The following ARMC3 variants were observed in gnomAD, a reference collection of about 807,000 sequenced individuals.
The protein encoded by ARMC3 is armadillo repeat-containing protein 3.
In ARMC3, 74 loss-of-function variants were observed where a neutral mutation model predicts 90.3. The observed-to-expected ratio is 0.82, with a 90% CI of 0.68 to 0.99. The LOEUF is 0.99. Ranked by LOEUF, ARMC3 falls within the 50% of genes least tolerant of loss-of-function variation. ARMC3 has a pLI of 0.00. For synonymous variants in ARMC3, 334 were observed against 361.8 expected (o/e 0.92, Z 0.87); for missense variants, 958 against 1,042.8 (o/e 0.92, Z 1.12).
intron 10 of ARMC3, among the ~76,000 whole-genome samples, chr10:22,992,924 G>A (rs1177874121): frequency 2.0e-5 from 3 of 152,142 alleles, no homozygotes; most frequent in South Asian, 2.1e-4. Flanking sequence ...TTGCTGCTGC[G>A]TACACACCGC....
intron 11 of ARMC3, among the ~76,000 whole-genome samples, chr10:22,999,789 C>T (rs1837196160): frequency 6.6e-6 from 1 of 152,202 alleles, no homozygotes; most frequent in Non-Finnish European, 1.5e-5. Context: ...TAATCTTTTT[C>T]TTCTGTCTCC....
At chr10:23,027,285 C>T (rs1290717401) in intron 16 of ARMC3, among the ~76,000 whole-genome samples, 1 of 152,138 alleles carries the variant, frequency 6.6e-6, no homozygotes, top group Non-Finnish European at 1.5e-5. Flanking sequence ...TCTAAGTCTT[C>T]TTTGATTGCT....
At chr10:22,982,305 G>T (rs1836228516) in intron 10 of ARMC3, among the ~76,000 whole-genome samples, 1 of 152,218 alleles carries the variant, frequency 6.6e-6, no homozygotes, top group Non-Finnish European at 1.5e-5. Context: ...TTGAACCCCG[G>T]AGGTGGAGGT....
intron 16 of ARMC3, among the ~76,000 whole-genome samples, chr10:23,012,765 G>A (rs993459431): frequency 2.1e-5 from 3 of 146,278 alleles, no homozygotes; most frequent in African/African-American, 8.0e-5. Flanking sequence ...TACTTCCCTA[G>A]TTCAGGCCTT....
Position 23,037,474 on chromosome 10 carries a change from A to G in ARMC3, c.2614A>G (p.Ile872Val), listed in dbSNP as rs1176184663. 6.2e-7 allele frequency: 1 copy of G among 1,612,414 alleles called. No homozygotes were observed. The highest frequency in any genetic ancestry group is 2.2e-5 in the East Asian group (1 of 44,860). ...RSREADLYRF[I>V] ...TCGAGAGGCTGATCTTTACAGATTCATTTAAGCCATCAGACGAACACAAGA... is the reference window on the plus strand; with the variant it reads ...TCGAGAGGCTGATCTTTACAGATTCGTTTAAGCCATCAGACGAACACAAGA... The change falls in exon 19 of 19, where the codon ATT (isoleucine) becomes GTT (valine). Residue 872 changes from isoleucine to valine, a missense_variant. By Grantham distance (29) the Ile-to-Val change is conservative. Coordinates refer to ENST00000298032, the MANE Select transcript of ARMC3 (RefSeq NM_173081.5).
intron 2 of ARMC3, among the ~76,000 whole-genome samples, chr10:22,937,823 A>C (rs1272354588): frequency 6.6e-6 from 1 of 152,244 alleles, no homozygotes; most frequent in African/African-American, 2.4e-5. Context: ...TCCAAGTACT[A>C]CCATCACCCC....
chr10:22,992,271 A>G (rs140212621), intron 10 of ARMC3, among the ~76,000 whole-genome samples: 71 of 152,324 alleles, frequency 4.7e-4, no homozygotes, highest in Middle Eastern at 3.4e-3. Flanking sequence ...AGCACTCACT[A>G]TTCTCTTTGC....
At chr10:22,963,677 G>A (rs1271160889) in intron 7 of ARMC3, among the ~76,000 whole-genome samples, 1 of 151,880 alleles carries the variant, frequency 6.6e-6, no homozygotes, top group Non-Finnish European at 1.5e-5. Flanking sequence ...GGATCACAAG[G>A]TCAGGAGATC....
chr10:22,998,500 G>C (rs1018544564), intron 11 of ARMC3, 103 bp downstream of exon 11: 9 of 1,435,500 alleles, frequency 6.3e-6, no homozygotes, highest in Non-Finnish European at 8.4e-6. Flanking sequence ...TGTCATTTAA[G>C]TCCTTCAAAA....
chr10:22,956,043 G>A, intron 4 of ARMC3, 111 bp downstream of exon 4: 4 of 1,078,218 alleles, frequency 3.7e-6, no homozygotes, highest in Middle Eastern at 3.2e-4. Context: ...TGACTTTCAT[G>A]TTCACAAAAA....
At chr10:22,988,642 GA>G (rs558640799) in intron 10 of ARMC3, among the ~76,000 whole-genome samples, 1 of 152,232 alleles carries the variant, frequency 6.6e-6, no homozygotes, top group African/African-American at 2.4e-5. Context: ...TTGAAGGGGG[GA>G]AAAATCTCTT....
intron 17 of ARMC3, among the ~76,000 whole-genome samples, chr10:23,031,637 G>T (rs1465266591): frequency 6.6e-6 from 1 of 152,198 alleles, no homozygotes; most frequent in African/African-American, 2.4e-5. Flanking sequence ...TCCTTGAGAA[G>T]TGATGGCTCA....
chr10:22,949,316 G>C (rs1834651530), intron 3 of ARMC3, among the ~76,000 whole-genome samples: 1 of 152,064 alleles, frequency 6.6e-6, no homozygotes, highest in Non-Finnish European at 1.5e-5. Context: ...ATATCAATGA[G>C]TAAATCAAAT....
intron 7 of ARMC3, among the ~76,000 whole-genome samples, chr10:22,966,999 C>T (rs1283270301): frequency 3.1e-5 from 2 of 64,442 alleles, no homozygotes; most frequent in Non-Finnish European, 3.2e-5. Flanking sequence ...TGTTTGGGGG[C>T]GGGGGTGGGT....
intron 15 of ARMC3, among the ~76,000 whole-genome samples, 154 bp from the exon 16 acceptor site, chr10:23,008,661 C>T (rs745318429): frequency 5.9e-5 from 9 of 152,030 alleles, no homozygotes; most frequent in Non-Finnish European, 1.0e-4. Flanking sequence ...ACACCGGGTC[C>T]CTGGCTTCAT....
chr10:22,950,722 C>A (rs908672528), intron 3 of ARMC3, among the ~76,000 whole-genome samples: 1 of 151,980 alleles, frequency 6.6e-6, no homozygotes, highest in African/African-American at 2.4e-5. Flanking sequence ...AAACCACATG[C>A]CACCTTCAAG....
At chr10:23,013,089 G>A (rs1838096255) in intron 16 of ARMC3, among the ~76,000 whole-genome samples, 1 of 151,940 alleles carries the variant, frequency 6.6e-6, no homozygotes, top group African/African-American at 2.4e-5. Context: ...ATTAGAGACG[G>A]GGTTTTGCCA....
At chr10:23,019,826 C>T (rs1838436830) in intron 16 of ARMC3, among the ~76,000 whole-genome samples, 1 of 152,046 alleles carries the variant, frequency 6.6e-6, no homozygotes, top group Admixed American at 6.6e-5. Flanking sequence ...ATGACATGCG[C>T]AAGCCATCAC....
At chr10:23,015,351 T>C (rs1417856724) in intron 16 of ARMC3, among the ~76,000 whole-genome samples, 4 of 152,218 alleles carry the variant, frequency 2.6e-5, no homozygotes, top group African/African-American at 9.6e-5. Flanking sequence ...CCTCCTTCCT[T>C]AGTCTTCACC....
Sources: gnomAD v4.1 joint callset for allele counts (sites outside exome capture counted in the v4.1 genomes callset) on GRCh38, gnomAD v4.1.1 for gene constraint, MANE v1.5 for transcripts, NCBI Gene and HGNC (gene_info 2026-07-23, HGNC 2026-07-21) for gene names.